The following PI3 variants were observed in gnomAD, a reference collection of about 807,000 sequenced individuals.
The protein encoded by PI3 is peptidase inhibitor 3, also known as elafin.
A neutral mutation model predicts 6.0 loss-of-function variants in PI3; 4 were observed. The observed-to-expected ratio is 0.67, with a 90% CI of 0.33 to 1.54. The LOEUF (loss-of-function observed/expected upper bound fraction) is 1.54. Ranked by LOEUF, PI3 falls within the 40% of genes most tolerant of loss-of-function variation. The pLI, the probability that PI3 is intolerant of heterozygous loss-of-function variation, is 0.06. For missense variants in PI3, 149 were observed against 147.6 expected, an observed-to-expected ratio of 1.01 and a Z score of -0.05; for synonymous variants, 58 against 56.9, an observed-to-expected ratio of 1.02 and a Z score of -0.09.
chr20:45,175,206 T>C (rs1982766517), intron 1 of PI3, among the ~76,000 whole-genome samples: 1 of 152,222 alleles, frequency 6.6e-6, no homozygotes, highest in South Asian at 2.1e-4. Context: ...GACTGAGATA[T>C]CAGGACTGTT....
chr20:45,175,081 A>G (rs1250617088), intron 1 of PI3, 80 bp downstream of exon 1: 4 of 1,065,570 alleles, frequency 3.8e-6, no homozygotes, highest in East Asian at 5.2e-5. Flanking sequence ...GACAGGGAGC[A>G]CTTCTGAAGC....
In PI3 at chr20:45,176,154, A is replaced by G. The variant is rs1982790074; in HGVS notation, c.*1+18A>G. 6.2e-7 allele frequency: 1 copy of G among 1,612,986 alleles called. No homozygotes were observed. Among genetic ancestry groups the G allele is most frequent in the African/African-American group, 1.3e-5 (1 of 74,876 alleles). ...CCAGTGAGGTGAGCACTAGCTGGAG[A>G]ACGAGGAGACCCCTGAAGACACAAA... On this transcript the variant is annotated intron_variant, in intron 2 of 2. Coordinates refer to ENST00000243924, the MANE Select transcript of PI3 (RefSeq NM_002638.4).
chr20:45,176,123 C>T lies in PI3; in HGVS notation c.342C>T (p.Phe114=), dbSNP rs371430509. ...CCEGSCGMAC[F]VPQ ...AAGGCTCTTGCGGGATGGCCTGTTT[C>T]GTTCCCCAGTGAGGTGAGCACTAGC... Residue 114 remains phenylalanine, a synonymous_variant, in exon 2 of 3, where the codon TTC becomes TTT. Coordinates refer to ENST00000243924, the MANE Select transcript of PI3 (RefSeq NM_002638.4). The T allele has an allele frequency of 2.6e-5, 42 of 1,613,940 alleles. No individual in the cohort carries two copies. The highest frequency in any genetic ancestry group is 1.6e-4 in the Middle Eastern group (1 of 6,072).
chr20:45,175,220 G>A (rs1982766638), intron 1 of PI3, among the ~76,000 whole-genome samples: 1 of 152,210 alleles, frequency 6.6e-6, no homozygotes, highest in African/African-American at 2.4e-5. Flanking sequence ...GACTGTTTGT[G>A]GAAGTAATGT....
rs780145676 is a variant in PI3, at chr20:45,176,109, G to A, written c.328G>A (p.Gly110Arg). The A allele has an allele frequency of 6.2e-6, 10 of 1,613,954 alleles. No homozygotes were observed. The highest frequency in any genetic ancestry group is 3.3e-5 in the Admixed American group (2 of 59,994). Residue 110 changes from glycine (G) to arginine (R), a missense_variant, in exon 2 of 3, where the codon GGG (glycine) becomes AGG (arginine). Coordinates refer to ENST00000243924, the MANE Select transcript of PI3 (RefSeq NM_002638.4). ...CAAGAAGTGCTGTGAAGGCTCTTGC[G>A]GGATGGCCTGTTTCGTTCCCCAGTG... is the stretch of plus-strand genomic sequence containing the variant. ...GIKKCCEGSC[G>R]MACFVPQ
chr20:45,175,827 G>T, intron 1 of PI3, 34 bp from the exon 2 acceptor site: 1 of 1,609,142 alleles, frequency 6.2e-7, no homozygotes, highest in Non-Finnish European at 8.5e-7. Flanking sequence ...AGGCTTACTG[G>T]GTATAAATGT....
In PI3 at chr20:45,176,052, C is replaced by A. The variant is rs570096735; in HGVS notation, c.271C>A (p.Arg91Ser). 2 of 1,614,126 alleles carry A rather than the reference C, an allele frequency of 1.2e-6. No homozygotes were observed. Among genetic ancestry groups the A allele is most frequent in the African/African-American group, 2.7e-5 (2 of 75,024 alleles). The change falls in exon 2 of 3, where the codon CGC (arginine) becomes AGC (serine). Residue 91 changes from arginine (R) to serine (S), a missense_variant. Physicochemically the swap from Arg to Ser is moderately radical, Grantham distance 110 (BLOSUM62 -1). Transcript: ENST00000243924. ...GTGCGCCATGTTGAATCCCCCTAAC[C>A]GCTGCTTGAAAGATACTGACTGCCC... ...IRCAMLNPPN[R>S]CLKDTDCPGI...
chr20:45,174,954 TG>T lies in PI3; in HGVS notation c.33del (p.Phe12SerfsTer9). On this transcript the variant is annotated frameshift_variant, in exon 1 of 3. Transcript: ENST00000243924. LOFTEE classifies it high-confidence loss of function. ...GCCAGCAGCTTCTTGATCGTGGTGG[TG>T]TTCCTCATCGCTGGGACGCTGGTTC... The part of the protein sequence containing the change: MRASSFLIVV[V>X]FLIAGTLVLE... 1 of 1,613,504 alleles carries T rather than the reference TG, an allele frequency of 6.2e-7. No individual in the cohort carries two copies. The highest frequency in any genetic ancestry group is 8.5e-7 in the Non-Finnish European group (1 of 1,179,588).
Position 45,176,356 on chromosome 20 carries a change from C to T in PI3, c.*2-14C>T. The T allele has an allele frequency of 1.7e-6, 1 of 586,516 alleles. No homozygotes were observed. The highest frequency in any genetic ancestry group is 2.1e-5 in the South Asian group (1 of 48,734). 36.3% of individuals were successfully genotyped at this position (586,516 alleles called of 1,614,324 possible). ...TGTGCTGACTCTCACCTCTGATACT[C>T]TTCTCTTCCACAGAGGGAGCCGGTC... On this transcript the variant is annotated splice_polypyrimidine_tract_variant and intron_variant, in intron 2 of 2. Transcript: ENST00000243924.
Position 45,176,066 on chromosome 20 carries a change from T to C in PI3, c.285T>C (p.Asp95=). The C allele has an allele frequency of 1.9e-6, 3 of 1,614,166 alleles. No homozygotes were observed. The highest frequency in any genetic ancestry group is 2.2e-5 in the South Asian group (2 of 91,086). The change falls in exon 2 of 3, where the codon GAT becomes GAC. Residue 95 remains aspartate (D), a synonymous_variant. Coordinates refer to ENST00000243924, the MANE Select transcript of PI3 (RefSeq NM_002638.4). ...ATCCCCCTAACCGCTGCTTGAAAGA[T>C]ACTGACTGCCCAGGAATCAAGAAGT... ...MLNPPNRCLK[D]TDCPGIKKCC...
chr20:45,174,910 C>A lies in PI3; in HGVS notation c.-13C>A. 2 of 1,609,234 alleles carry A rather than the reference C, an allele frequency of 1.2e-6. No homozygotes were observed. Among genetic ancestry groups the A allele is most frequent in the Non-Finnish European group, 8.5e-7 (1 of 1,176,904 alleles). On this transcript the variant is annotated 5_prime_UTR_variant, in exon 1 of 3. Coordinates refer to ENST00000243924, the MANE Select transcript of PI3 (RefSeq NM_002638.4). The stretch of plus-strand genomic sequence containing the variant: ...TATGGCCTTAGCTCTTAGCCAAACA[C>A]CTTCCTGACACCATGAGGGCCAGCA...
At position 45,175,889 on chromosome 20, in the gene PI3, A is replaced by T. The variant is rs151106234; in HGVS notation, c.108A>T (p.Lys36Asn). The T allele has an allele frequency of 5.3e-3, 8,509 of 1,614,140 alleles. 38 individuals are homozygous for T. Among genetic ancestry groups the T allele is most frequent in the Middle Eastern group, 6.9e-3 (42 of 6,062 alleles). The change falls in exon 2 of 3, where the codon AAA becomes AAT. Residue 36 changes from lysine (K) to asparagine (N), a missense_variant. Physicochemically the swap from Lys to Asn is moderately conservative, Grantham distance 94. Transcript: ENST00000243924. ...GVPVKGQDTV[K>N]GRVPFNGQDP... ...CTGTTAAAGGTCAAGACACTGTCAA[A>T]GGCCGTGTTCCATTCAATGGACAAG...
intron 2 of PI3, 40 bp downstream of exon 2, chr20:45,176,176 C>A: frequency 6.2e-7 from 1 of 1,602,346 alleles, no homozygotes; most frequent in Non-Finnish European, 8.5e-7. Context: ...CCTGAAGACA[C>A]AAAAGAAGGC....
Position 45,175,975 on chromosome 20 carries a change from T to G in PI3, c.194T>G (p.Val65Gly). The G allele has an allele frequency of 6.2e-7, 1 of 1,614,170 alleles. No homozygotes were observed. The highest frequency in any genetic ancestry group is 8.5e-7 in the Non-Finnish European group (1 of 1,180,018). The stretch of plus-strand genomic sequence containing the variant: ...GATAAAGTCAAAGCGCAAGAGCCAG[T>G]CAAAGGTCCAGTCTCCACTAAGCCT... Reference protein sequence around the residue: ...GQDKVKAQEPVKGPVSTKPGS... With the variant: ...GQDKVKAQEPGKGPVSTKPGS... Residue 65 changes from valine (V) to glycine (G), a missense_variant, in exon 2 of 3, where the codon GTC becomes GGC. Val to Gly is a moderately radical substitution (Grantham distance 109). Coordinates refer to ENST00000243924, the MANE Select transcript of PI3 (RefSeq NM_002638.4).
At chr20:45,175,262 C>T (rs774493408) in intron 1 of PI3, among the ~76,000 whole-genome samples, 1 of 152,146 alleles carries the variant, frequency 6.6e-6, no homozygotes, top group Non-Finnish European at 1.5e-5. Flanking sequence ...GATGTCAATA[C>T]CTGTGCAGAA....
At position 45,176,090 on chromosome 20, in the gene PI3, G is replaced by A. The variant is rs1357487431; in HGVS notation, c.309G>A (p.Lys103=). 1.2e-6 allele frequency: 2 copies of A among 1,614,036 alleles called. No homozygotes were observed. Among genetic ancestry groups the A allele is most frequent in the African/African-American group, 2.7e-5 (2 of 74,904 alleles). ...LKDTDCPGIK[K]CCEGSCGMAC... is the part of the protein sequence containing the mutation. The stretch of plus-strand genomic sequence containing the variant: ...ATACTGACTGCCCAGGAATCAAGAA[G>A]TGCTGTGAAGGCTCTTGCGGGATGG... The change falls in exon 2 of 3, where the codon AAG becomes AAA. Residue 103 remains lysine, a synonymous_variant. Transcript: ENST00000243924.
chr20:45,176,142 C>T lies in PI3; in HGVS notation c.*1+6C>T. 1.9e-6 allele frequency: 3 copies of T among 1,613,558 alleles called. No homozygotes were observed. The highest frequency in any genetic ancestry group is 2.5e-6 in the Non-Finnish European group (3 of 1,179,622). ...CTGTTTCGTTCCCCAGTGAGGTGAG[C>T]ACTAGCTGGAGAACGAGGAGACCCC... On this transcript the variant is annotated splice_donor_region_variant and intron_variant, in intron 2 of 2. Coordinates refer to ENST00000243924, the MANE Select transcript of PI3 (RefSeq NM_002638.4).
At chr20:45,176,299 T>C (rs1230068304) in intron 2 of PI3, 71 bp from the exon 3 acceptor site, 1 of 642,224 alleles carries the variant, frequency 1.6e-6, no homozygotes, top group African/African-American at 1.8e-5. Flanking sequence ...AGAAGGATGA[T>C]CTGTCTTCCT....
In PI3 at chr20:45,176,473, T is replaced by C. The variant is rs905742236; in HGVS notation, c.*105T>C. The C allele has an allele frequency of 3.5e-6, 1 of 285,506 alleles. No individual in the cohort carries two copies. The highest frequency in any genetic ancestry group is 6.7e-6 in the Non-Finnish European group (1 of 150,222). 17.7% of individuals were successfully genotyped at this position (285,506 alleles called of 1,614,324 possible). On this transcript the variant is annotated 3_prime_UTR_variant, in exon 3 of 3. Transcript: ENST00000243924. ...CCCTTCCCACACTGTCCATTCTTCC[T>C]CCCATTCAGGATGCCCACGGCTGGA...
Sources: gnomAD v4.1 joint callset for allele counts (sites outside exome capture counted in the v4.1 genomes callset) on GRCh38, gnomAD v4.1.1 for gene constraint, MANE v1.5 for transcripts, NCBI Gene and HGNC (gene_info 2026-07-23, HGNC 2026-07-21) for gene names.